The following MACIR variants were observed in gnomAD, a reference collection of about 807,000 sequenced individuals.
MACIR encodes the protein UNC119-binding protein C5orf30.
A neutral mutation model predicts 14.3 loss-of-function variants in MACIR; 4 were observed. The observed-to-expected ratio is 0.28, with a 90% CI of 0.14 to 0.64. MACIR has a LOEUF of 0.64. Ranked by LOEUF, MACIR falls within the 30% of genes least tolerant of loss-of-function variation. The pLI is 0.83. For missense variants in MACIR, 228 were observed against 257.6 expected, an observed-to-expected ratio of 0.89 and a Z score of 0.79; for synonymous variants, 101 against 102.4, an observed-to-expected ratio of 0.99 and a Z score of 0.08.
chr5:103,261,709 T>TCTTTCTTTCTTTCTTTCTTTCTTTCTTC (rs1562545930), intron 1 of MACIR, among the ~76,000 whole-genome samples: 1,340 of 102,624 alleles, frequency 0.013, 20 homozygotes, highest in Non-Finnish European at 0.015. Flanking sequence ...TTTCTTCCTT[T>TCTTTCTTTCTTTCTTTCTTTCTTTCTTC]CTTTCTTTCT....
chr5:103,268,165 C>T (rs144001571), intron 2 of MACIR, among the ~76,000 whole-genome samples: 124 of 152,084 alleles, frequency 8.2e-4, no homozygotes, highest in African/African-American at 2.9e-3. Context: ...TTTGTATGGA[C>T]GTGTATTTTC....
Position 103,275,967 on chromosome 5 carries a change from G to T in MACIR, c.48G>T (p.Leu16Phe), listed in dbSNP as rs1805308081. ...NGESRSTLTT[L>F]PFPGAEANSP... ...AGTCTAGAAGTACCCTGACCACCTT[G>T]CCCTTCCCTGGGGCTGAGGCCAACT... is the stretch of plus-strand genomic sequence containing the variant. The change falls in exon 3 of 3, where the codon TTG (leucine) becomes TTT (phenylalanine). Residue 16 changes from leucine to phenylalanine, a missense_variant. Leu to Phe is a conservative substitution (Grantham distance 22). Transcript: ENST00000319933. 2 of 1,613,818 alleles carry T rather than the reference G, an allele frequency of 1.2e-6. No individual in the cohort carries two copies. Among genetic ancestry groups the T allele is most frequent in the African/African-American group, 1.3e-5 (1 of 74,878 alleles).
chr5:103,267,719 T>G (rs1405613407), intron 2 of MACIR, among the ~76,000 whole-genome samples: 2 of 152,206 alleles, frequency 1.3e-5, no homozygotes, highest in African/African-American at 2.4e-5. Flanking sequence ...TTATTTTTAA[T>G]GTCAGGTTTA....
At position 103,276,717 on chromosome 5, in the gene MACIR, TGGG is replaced by T; in HGVS notation, c.*184_*186del. The T allele has an allele frequency of 2.0e-6, 1 of 511,162 alleles. No homozygotes were observed. The highest frequency in any genetic ancestry group is 3.4e-6 in the Non-Finnish European group (1 of 292,470). 31.7% of individuals were successfully genotyped at this position (511,162 alleles called of 1,614,324 possible). On this transcript the variant is annotated 3_prime_UTR_variant, in exon 3 of 3. Transcript: ENST00000319933. ...ATACAGGAATGAAATCACAGGTACT[TGGG>T]GGGGGGATATCATTCTAGAGCACGC...
At chr5:103,270,319 A>G (rs1339407599) in intron 2 of MACIR, among the ~76,000 whole-genome samples, 1 of 152,184 alleles carries the variant, frequency 6.6e-6, no homozygotes, top group Admixed American at 6.5e-5. Context: ...CTGCAGAAAT[A>G]TTCATGTGTG....
At chr5:103,261,562 A>G (rs1804682362) in intron 1 of MACIR, among the ~76,000 whole-genome samples, 5 of 152,056 alleles carry the variant, frequency 3.3e-5, no homozygotes, top group Admixed American at 3.3e-4. Context: ...TTAAAAATTG[A>G]TGTTTTTTTT....
At chr5:103,264,104 T>C (rs1201462203) in intron 1 of MACIR, among the ~76,000 whole-genome samples, 20 of 152,130 alleles carry the variant, frequency 1.3e-4, no homozygotes, top group African/African-American at 4.8e-4. Flanking sequence ...CTTATAGAAA[T>C]TACTTGATAT....
At chr5:103,264,853 C>A (rs1804864347) in intron 1 of MACIR, among the ~76,000 whole-genome samples, 1 of 152,004 alleles carries the variant, frequency 6.6e-6, no homozygotes, top group Admixed American at 6.6e-5. Context: ...AACTCCTTGC[C>A]TTTTTTCTTG....
chr5:103,269,168 A>G (rs1805037360), intron 2 of MACIR, among the ~76,000 whole-genome samples: 1 of 152,126 alleles, frequency 6.6e-6, no homozygotes, highest in South Asian at 2.1e-4. Flanking sequence ...TCATTGCCCT[A>G]CTGCACTCCA....
intron 2 of MACIR, among the ~76,000 whole-genome samples, chr5:103,269,526 A>C (rs539543921): frequency 9.2e-4 from 140 of 152,296 alleles, no homozygotes; most frequent in Non-Finnish European, 1.8e-3. Context: ...CTTATTTTTA[A>C]AAATTCTCAG....
chr5:103,276,366 C>T lies in MACIR; in HGVS notation c.447C>T (p.Leu149=). The T allele has an allele frequency of 2.5e-6, 4 of 1,613,432 alleles. No individual in the cohort carries two copies. The highest frequency in any genetic ancestry group is 3.4e-6 in the Non-Finnish European group (4 of 1,179,662). ...KSLPYEPYKA[L]HGPLPLCLLK... The stretch of plus-strand genomic sequence containing the variant: ...TACCTTATGAACCTTACAAGGCCCT[C>T]CATGGGCCTCTGCCTCTTTGTCTTC... Residue 149 remains leucine, a synonymous_variant, in exon 3 of 3, where the codon CTC becomes CTT. Transcript: ENST00000319933.
rs1690369623 is a variant in MACIR at position 103,276,784 on chromosome 5, TA to T, written c.*245del. The T allele has an allele frequency of 8.3e-6, 3 of 359,726 alleles. No individual in the cohort carries two copies. In the South Asian group the frequency reaches 3.2e-4, roughly 38 times the overall value. The allele number at this position is 359,726 out of a possible 1,614,324, so 22.3% of individuals were successfully genotyped here. A position where few individuals can be genotyped will look rare whatever the true frequency, so the allele number is the denominator to read the frequency against. On this transcript the variant is annotated 3_prime_UTR_variant, in exon 3 of 3. Transcript: ENST00000319933. ...ACAGAATGTTGACTGTTAGTTTGTA[TA>T]GCTTTTTAGCTAGGAAAAAAAGGCT...
intron 2 of MACIR, among the ~76,000 whole-genome samples, chr5:103,271,510 T>G (rs1182782672): frequency 3.3e-5 from 5 of 152,144 alleles, no homozygotes; most frequent in Non-Finnish European, 5.9e-5. Flanking sequence ...AAAAATGTAC[T>G]GTGTACATTT....
intron 1 of MACIR, among the ~76,000 whole-genome samples, chr5:103,261,681 T>TCTTTCTTTCTTTCTTTCTTTCTTC (rs1194128665): frequency 3.1e-5 from 4 of 129,510 alleles, no homozygotes; most frequent in Non-Finnish European, 6.6e-5. Context: ...TTTCTTTCTT[T>TCTTTCTTTCTTTCTTTCTTTCTTC]CTTTCTTTCT....
intron 1 of MACIR, among the ~76,000 whole-genome samples, chr5:103,263,785 T>C (rs1804820431): frequency 6.6e-6 from 1 of 152,152 alleles, no homozygotes; most frequent in South Asian, 2.1e-4. Flanking sequence ...TTGTGATAGA[T>C]GTAGTCTTGA....
At position 103,261,705 on chromosome 5, in the gene MACIR, C is replaced by CCTTT. The variant is rs149579800; in HGVS notation, c.-114+2830_-114+2833dup. 8.0e-4 allele frequency among the ~76,000 whole-genome samples: 50 copies of CCTTT among 62,862 alleles called. 1 individual carries two copies. The highest frequency in any genetic ancestry group is 1.4e-3 in the African/African-American group (21 of 15,248). The allele number at this position is 62,862 out of a possible 152,430, so 41.2% of individuals were successfully genotyped here. A position where few individuals can be genotyped will look rare whatever the true frequency, so the allele number is the denominator to read the frequency against. On this transcript the variant is annotated intron_variant, in intron 1 of 2. Coordinates refer to ENST00000319933, the MANE Select transcript of MACIR (RefSeq NM_033211.4). Reference sequence around the variant, plus strand: ...TTCTTTCTTTCTTTCTTTCTTTCTTCCTTTCTTTCTTTCTTTCTTTCTTTT... The same window carrying CCTTT: ...TTCTTTCTTTCTTTCTTTCTTTCTTCCTTTCTTTCTTTCTTTCTTTCTTTCTTTT...
chr5:103,265,977 C>T lies in MACIR; in HGVS notation c.-44C>T, dbSNP rs1804910970. The T allele has an allele frequency of 6.6e-6, 1 of 152,082 alleles. No homozygotes were observed. The highest frequency in any genetic ancestry group is 6.6e-5 in the Admixed American group (1 of 15,256). The allele number at this position is 152,082 out of a possible 1,614,324, so 9.4% of individuals were successfully genotyped here. A position where few individuals can be genotyped will look rare whatever the true frequency, so the allele number is the denominator to read the frequency against. On this transcript the variant is annotated 5_prime_UTR_variant, in exon 2 of 3. Coordinates refer to ENST00000319933, the MANE Select transcript of MACIR (RefSeq NM_033211.4). ...GGACTCATTGGAAATTGTACAGTGA[C>T]ATCTTCTGGGATTTAGTCTGGTAAG...
At chr5:103,267,069 G>A (rs1306595293) in intron 2 of MACIR, among the ~76,000 whole-genome samples, 1 of 152,046 alleles carries the variant, frequency 6.6e-6, no homozygotes. Context: ...CTAGAGCAAT[G>A]GGTAGAAACT....
chr5:103,258,512 C>T (rs1470992745), upstream of MACIR, among the ~76,000 whole-genome samples: 14 of 151,900 alleles, frequency 9.2e-5, no homozygotes, highest in Admixed American at 9.2e-4. Flanking sequence ...TCCTCCCCAC[C>T]ACCAGTCAAC....
Sources: allele counts gnomAD v4.1 joint callset (sites outside exome capture counted in the v4.1 genomes callset), GRCh38; gene constraint gnomAD v4.1.1; transcripts MANE v1.5; gene names NCBI Gene and HGNC (gene_info 2026-07-23, HGNC 2026-07-21).